SGIP1: variants seen among roughly 807,000 people sequenced by gnomAD.
The protein encoded by SGIP1 is SH3GL interacting endocytic adaptor 1, also known as SH3-containing GRB2-like protein 3-interacting protein 1.
SGIP1 carries 38 observed loss-of-function variants against 107.5 expected under a neutral mutation model. The ratio of observed to expected loss-of-function variants is 0.35; its 90% CI spans 0.27 to 0.46. The LOEUF (loss-of-function observed/expected upper bound fraction) is 0.46, where lower values mean the gene tolerates loss of function less well. SGIP1 is among the 20% of genes least tolerant of loss of function. The probability of loss-of-function intolerance (pLI) is 1.00; values close to 1 mark genes in which losing one functional copy is unlikely to be tolerated. For missense variants in SGIP1, 929 were observed against 1,019.5 expected, an observed-to-expected ratio of 0.91 and a Z score of 1.21; for synonymous variants, 365 against 366.1, an observed-to-expected ratio of 1.00 and a Z score of 0.03.
At chr1:66,597,397 T>C (rs1236168451) in intron 1 of SGIP1, among the ~76,000 whole-genome samples, 1 of 152,268 alleles carries the variant, frequency 6.6e-6, no homozygotes, top group Non-Finnish European at 1.5e-5. Flanking sequence ...GTTTATGCTA[T>C]TTGTTTTATT....
rs554179134 is a variant in SGIP1 at position 66,567,350 on chromosome 1, G to A, written c.10+32982G>A. On this transcript the variant is annotated intron_variant, in intron 1 of 24. Transcript: ENST00000371037. ...ATATCCTTTGCCCACTTTTTGATGG[G>A]GTTGTTTTTTTCTTGTAAATTTGTT... Among the ~76,000 whole-genome samples, 8 of 151,882 alleles carry A rather than the reference G, an allele frequency of 5.3e-5. No homozygotes were observed. In the East Asian group the frequency reaches 1.2e-3, roughly 22 times the overall value.
intron 5 of SGIP1, 44 bp from the exon 6 acceptor site, chr1:66,642,766 A>G: frequency 1.4e-6 from 2 of 1,478,724 alleles, no homozygotes; most frequent in Non-Finnish European, 1.8e-6. Flanking sequence ...TTTCTTGATC[A>G]CTGTTAGGAT....
intron 2 of SGIP1, among the ~76,000 whole-genome samples, 175 bp from the exon 3 acceptor site, chr1:66,632,895 A>C (rs939872695): frequency 1.3e-5 from 2 of 152,124 alleles, no homozygotes; most frequent in African/African-American, 4.8e-5. Context: ...CATACCCCAC[A>C]CTTAAATACC....
intron 1 of SGIP1, among the ~76,000 whole-genome samples, chr1:66,558,823 A>T (rs2058547515): frequency 6.6e-6 from 1 of 151,582 alleles, no homozygotes; most frequent in South Asian, 2.1e-4. Flanking sequence ...CTTCTACAGC[A>T]TCCATTTTAT....
In SGIP1 at chr1:66,534,660, A is replaced by G. The variant is rs532080814; in HGVS notation, c.10+292A>G. On this transcript the variant is annotated intron_variant, in intron 1 of 24. Transcript: ENST00000371037. ...AGCTAGGAAAGAGCTTGCAGAGCAA[A>G]TAAGTTGGGCGAGAAGATAAGGTTT... is the stretch of plus-strand genomic sequence containing the variant. Among the ~76,000 whole-genome samples, 8 of 152,324 alleles carry G rather than the reference A, an allele frequency of 5.3e-5. 1 individual carries two copies. In the South Asian group the frequency reaches 1.7e-3, roughly 32 times the overall value.
At chr1:66,631,067 G>GAAAT (rs1362023874) in intron 2 of SGIP1, among the ~76,000 whole-genome samples, 1 of 137,210 alleles carries the variant, frequency 7.3e-6, no homozygotes, top group African/African-American at 2.6e-5. Flanking sequence ...AAGAAAGAAA[G>GAAAT]AAAGAAAGAA....
chr1:66,565,799 G>A (rs2059560358), intron 1 of SGIP1, among the ~76,000 whole-genome samples: 1 of 151,968 alleles, frequency 6.6e-6, no homozygotes, highest in Non-Finnish European at 1.5e-5. Flanking sequence ...TGTTGGCACT[G>A]GGTGGTGAGT....
At chr1:66,571,208 C>A (rs2060328411) in intron 1 of SGIP1, among the ~76,000 whole-genome samples, 2 of 151,886 alleles carry the variant, frequency 1.3e-5, no homozygotes, top group Non-Finnish European at 2.9e-5. Context: ...AGCAAACAGA[C>A]AAATGGAGTA....
At chr1:66,731,433 A>G (rs1009370888) in intron 20 of SGIP1, among the ~76,000 whole-genome samples, 1 of 152,218 alleles carries the variant, frequency 6.6e-6, no homozygotes, top group Non-Finnish European at 1.5e-5. Flanking sequence ...AGTTGTATAC[A>G]TATATTAACA....
At chr1:66,633,983 G>A (rs1186058464) in intron 3 of SGIP1, 5 of 1,019,886 alleles carry the variant, frequency 4.9e-6, no homozygotes, top group Non-Finnish European at 7.3e-6. Flanking sequence ...GCTTTGGGGC[G>A]CCTTTTGCCT....
intron 2 of SGIP1, 39 bp from the exon 3 acceptor site, chr1:66,633,031 T>G (rs1209779851): frequency 7.4e-7 from 1 of 1,344,662 alleles, no homozygotes; most frequent in East Asian, 2.3e-5. Flanking sequence ...GCAAGAATGA[T>G]TCCTTATCAT....
At position 66,631,721 on chromosome 1, in the gene SGIP1, C is replaced by G. The variant is rs2074795310; in HGVS notation, c.75-1349C>G. On this transcript the variant is annotated intron_variant, in intron 2 of 24. Coordinates refer to ENST00000371037, the MANE Select transcript of SGIP1 (RefSeq NM_032291.4). ...TCTCTCTCTCTCTCTCTCTCTCTCT[C>G]TCTCTCTTCTCACGGGCTCCCTGCC... 1.8e-5 allele frequency among the ~76,000 whole-genome samples: 2 copies of G among 108,528 alleles called. 1 individual carries two copies. Among genetic ancestry groups the G allele is most frequent in the Non-Finnish European group, 3.9e-5 (2 of 51,136 alleles). The allele number at this position is 108,528 out of a possible 152,430, so 71.2% of individuals were successfully genotyped here.
intron 1 of SGIP1, among the ~76,000 whole-genome samples, chr1:66,546,862 C>T (rs568103500): frequency 6.6e-5 from 10 of 152,270 alleles, no homozygotes; most frequent in South Asian, 2.1e-4. Context: ...TGGGTAAGAA[C>T]AGATTTGGAG....
chr1:66,586,119 TC>T (rs893911698), intron 1 of SGIP1, among the ~76,000 whole-genome samples: 1 of 152,330 alleles, frequency 6.6e-6, no homozygotes. Flanking sequence ...CAGCAATTTT[TC>T]TTGTTCTGAT....
At chr1:66,725,864 G>A (rs193261084) in intron 19 of SGIP1, among the ~76,000 whole-genome samples, 1 of 152,300 alleles carries the variant, frequency 6.6e-6, no homozygotes, top group East Asian at 1.9e-4. Context: ...AATTGCCAGG[G>A]GAAGCTAAGG....
chr1:66,695,566 A>C, intron 18 of SGIP1, 73 bp downstream of exon 18: 1 of 1,472,258 alleles, frequency 6.8e-7, no homozygotes. Context: ...TGCATTTCCA[A>C]ATCCCAGTTC....
At chr1:66,636,343 C>T (rs927496340) in intron 4 of SGIP1, among the ~76,000 whole-genome samples, 1 of 152,158 alleles carries the variant, frequency 6.6e-6, no homozygotes. Context: ...AGAAATATCA[C>T]CACATAAATT....
chr1:66,633,972 A>C (rs1436873339), intron 3 of SGIP1: 2 of 885,152 alleles, frequency 2.3e-6, no homozygotes, highest in Non-Finnish European at 3.5e-6. Context: ...CAAGGTTCTT[A>C]GCTTTGGGGC....
intron 19 of SGIP1, among the ~76,000 whole-genome samples, chr1:66,728,080 T>A (rs1475360311): frequency 6.6e-6 from 1 of 152,206 alleles, no homozygotes; most frequent in African/African-American, 2.4e-5. Flanking sequence ...TTCCACGCTA[T>A]CATCCCATTG....
Sources: allele counts gnomAD v4.1 joint callset (sites outside exome capture counted in the v4.1 genomes callset), GRCh38; gene constraint gnomAD v4.1.1; transcripts MANE v1.5; gene names NCBI Gene and HGNC (gene_info 2026-07-23, HGNC 2026-07-21).